FSD1L: variants seen among roughly 807,000 people sequenced by gnomAD.
The protein encoded by FSD1L is FSD1-like protein.
FSD1L carries 45 observed loss-of-function variants against 71.6 expected under a neutral mutation model. The observed-to-expected ratio is 0.63, with a 90% confidence interval of 0.49 to 0.81. The LOEUF is 0.81. FSD1L is among the 30% of genes least tolerant of loss of function. FSD1L has a pLI of 0.00. For missense variants in FSD1L, 561 were observed against 618.1 expected (o/e 0.91, Z 0.98); for synonymous variants, 197 against 207.2 (o/e 0.95, Z 0.42).
intron 10 of FSD1L, chr9:105,525,330 A>G (rs1011575985): frequency 3.8e-6 from 6 of 1,599,006 alleles, no homozygotes; most frequent in Non-Finnish European, 5.1e-6. Context: ...CTAGTCCTGA[A>G]TGCTTACAGA....
In FSD1L at chr9:105,521,935, T is replaced by A. The variant is rs537635214; in HGVS notation, c.1025+8999T>A. ...GAACACACAGATATGTGTAAACGCA[T>A]TCTTAACATTTATCGGTACATGGTT... is the stretch of plus-strand genomic sequence containing the variant. On this transcript the variant is annotated intron_variant, in intron 10 of 13. Coordinates refer to ENST00000481272, the MANE Select transcript of FSD1L (RefSeq NM_001145313.3). The A allele has an allele frequency of 7.3e-5, 117 of 1,612,618 alleles. 4 individuals carry two copies. In the South Asian group the frequency reaches 1.3e-3, roughly 17 times the overall value.
chr9:105,467,763 G>A (rs1276850735), intron 3 of FSD1L, among the ~76,000 whole-genome samples: 4 of 152,076 alleles, frequency 2.6e-5, no homozygotes, highest in East Asian at 1.9e-4. Context: ...AGTGTTCCTC[G>A]GAATTACTGA....
intron 10 of FSD1L, chr9:105,520,145 G>A (rs564401705): frequency 3.1e-6 from 5 of 1,606,678 alleles, no homozygotes; most frequent in South Asian, 1.1e-5. Context: ...CCAAGAAGCC[G>A]CACGGGGACG....
At position 105,480,604 on chromosome 9, in the gene FSD1L, T is replaced by A. The variant is rs373420760; in HGVS notation, c.464+1228T>A. ...ATTGTGCCTGGTCCTGTATTAATTT[T>A]TATATTTTTTGTATATTTTACATCA... On this transcript the variant is annotated intron_variant, in intron 6 of 13. Transcript: ENST00000481272. Among the ~76,000 whole-genome samples the A allele has an allele frequency of 4.6e-5, 7 of 152,088 alleles. No homozygotes were observed. The East Asian group carries it at 1.3e-3, about 29-fold the overall frequency.
chr9:105,496,550 T>A (rs1295255849), intron 7 of FSD1L, among the ~76,000 whole-genome samples: 1 of 152,258 alleles, frequency 6.6e-6, no homozygotes, highest in Non-Finnish European at 1.5e-5. Flanking sequence ...TACATTGATT[T>A]AGTTCTTTGA....
chr9:105,488,636 A>T (rs1027780134), intron 7 of FSD1L, among the ~76,000 whole-genome samples: 1 of 152,218 alleles, frequency 6.6e-6, no homozygotes, highest in Non-Finnish European at 1.5e-5. Context: ...CCCACAAGCA[A>T]TGAATAGAGT....
At chr9:105,472,275 A>G (rs1206425528) in intron 5 of FSD1L, 2 of 345,868 alleles carry the variant, frequency 5.8e-6, no homozygotes, top group Non-Finnish European at 1.0e-5. Flanking sequence ...CTTTATGCAC[A>G]TGAGCACTGT....
chr9:105,501,427 A>C (rs930965405), intron 7 of FSD1L, among the ~76,000 whole-genome samples: 9 of 151,794 alleles, frequency 5.9e-5, no homozygotes, highest in Non-Finnish European at 1.0e-4. Flanking sequence ...CATCGTTTAC[A>C]GTTTTTTATT....
upstream of FSD1L, among the ~76,000 whole-genome samples, chr9:105,444,614 T>C (rs1033463300): frequency 1.3e-5 from 2 of 152,190 alleles, no homozygotes; most frequent in Non-Finnish European, 1.5e-5. Context: ...CCAGACTCTC[T>C]ACATCAGCCT....
chr9:105,539,602 G>A (rs1172414741), intron 13 of FSD1L, among the ~76,000 whole-genome samples: 1 of 152,076 alleles, frequency 6.6e-6, no homozygotes, highest in Non-Finnish European at 1.5e-5. Context: ...TTATAGGACT[G>A]CACTCATGTG....
intron 13 of FSD1L, among the ~76,000 whole-genome samples, chr9:105,542,874 GT>G (rs1310665643): frequency 3.3e-5 from 5 of 152,174 alleles, no homozygotes; most frequent in Non-Finnish European, 5.9e-5. Flanking sequence ...TCAGAGAGAA[GT>G]TTTTCATTTT....
intron 7 of FSD1L, among the ~76,000 whole-genome samples, chr9:105,494,358 C>T (rs1833194042): frequency 6.6e-6 from 1 of 152,112 alleles, no homozygotes; most frequent in African/African-American, 2.4e-5. Flanking sequence ...CCATCAGCTC[C>T]TTTAAGCACT....
intron 7 of FSD1L, among the ~76,000 whole-genome samples, chr9:105,495,738 A>G (rs1833340528): frequency 6.6e-6 from 1 of 152,302 alleles, no homozygotes; most frequent in East Asian, 1.9e-4. Flanking sequence ...GCATTTTGGG[A>G]GCCCGAGGCG....
At chr9:105,480,504 C>A (rs892181518) in intron 6 of FSD1L, among the ~76,000 whole-genome samples, 6 of 152,144 alleles carry the variant, frequency 3.9e-5, no homozygotes, top group Non-Finnish European at 7.4e-5. Context: ...TTTGCCCAGG[C>A]TGGTCTGGAA....
intron 7 of FSD1L, among the ~76,000 whole-genome samples, chr9:105,484,897 A>G (rs1832435321): frequency 6.6e-6 from 1 of 152,170 alleles, no homozygotes; most frequent in African/African-American, 2.4e-5. Context: ...GGTGTTTATA[A>G]GGATTAAATA....
intron 13 of FSD1L, 109 bp from the exon 14 acceptor site, chr9:105,546,249 A>G: frequency 5.3e-6 from 5 of 944,330 alleles, no homozygotes; most frequent in Non-Finnish European, 7.6e-6. Context: ...TGTGTTTGAG[A>G]ATGATTGATG....
chr9:105,525,275 A>G (rs1172351602), intron 10 of FSD1L: 29 of 1,607,698 alleles, frequency 1.8e-5, no homozygotes, highest in Non-Finnish European at 2.5e-5. Context: ...ACAATAAGAG[A>G]TGAAGAAGAT....
At chr9:105,467,055 G>A (rs1831129916) in intron 3 of FSD1L, among the ~76,000 whole-genome samples, 1 of 152,182 alleles carries the variant, frequency 6.6e-6, no homozygotes, top group Non-Finnish European at 1.5e-5. Context: ...ATAGACTGAG[G>A]TCTAGGAATT....
At chr9:105,493,262 C>T (rs559294086) in intron 7 of FSD1L, among the ~76,000 whole-genome samples, 1 of 152,234 alleles carries the variant, frequency 6.6e-6, no homozygotes, top group East Asian at 1.9e-4. Context: ...TAATGGCCTT[C>T]TTTGTCTCTT....
Sources: gnomAD v4.1 joint callset for allele counts (sites outside exome capture counted in the v4.1 genomes callset) on GRCh38, gnomAD v4.1.1 for gene constraint, MANE v1.5 for transcripts, NCBI Gene and HGNC (gene_info 2026-07-23, HGNC 2026-07-21) for gene names.